The following OR4P4 variants were observed in gnomAD, a reference collection of about 807,000 sequenced individuals.
OR4P4 encodes the protein olfactory receptor family 4 subfamily P member 4.
OR4P4 carries 1 observed loss-of-function variant against 2.1 expected under a neutral mutation model. The ratio of observed to expected loss-of-function variants is 0.47; its 90% CI spans 0.17 to 2.21. The LOEUF is 2.21. OR4P4 is among the 30% of genes most tolerant of loss of function. The pLI is 0.27. For missense variants in OR4P4, 375 were observed against 376.5 expected, an observed-to-expected ratio of 1.00 and a Z score of 0.03; for synonymous variants, 129 against 133.2, an observed-to-expected ratio of 0.97 and a Z score of 0.22.
exon 2 of OR4P4, chr11:55,639,201 C>A: frequency 6.7e-7 from 1 of 1,487,934 alleles, no homozygotes; most frequent in Non-Finnish European, 9.1e-7. Flanking sequence ...CATGTTCAAC[C>A]CTCTCATATA....
exon 2 of OR4P4, chr11:55,638,797 G>A (rs113440596): frequency 4.7e-6 from 7 of 1,492,180 alleles, no homozygotes; most frequent in African/African-American, 4.1e-5. Flanking sequence ...ATAGTTTGTT[G>A]TACTGGGGGA....
At chr11:55,639,241 C>A in exon 2 of OR4P4, 1 of 1,485,902 alleles carries the variant, frequency 6.7e-7, no homozygotes, top group Non-Finnish European at 9.1e-7. Flanking sequence ...ATGAAGAACG[C>A]CATGAGGAAA....
exon 2 of OR4P4, chr11:55,638,431 G>A (rs773843462): frequency 2.0e-6 from 3 of 1,465,846 alleles, no homozygotes; most frequent in Non-Finnish European, 2.8e-6. Flanking sequence ...GAAGTCCTCT[G>A]CTTTGTATTA....
In OR4P4 at chr11:55,637,474, C is replaced by T. The variant is rs564517861; in HGVS notation, c.-30-854C>T. 7.3e-4 allele frequency among the ~76,000 whole-genome samples: 101 copies of T among 137,582 alleles called. 8 individuals carry two copies. The highest frequency in any genetic ancestry group is 2.4e-3 in the African/African-American group (96 of 39,916). The allele number at this position is 137,582 out of a possible 152,430, so 90.3% of individuals were successfully genotyped here. On this transcript the variant is annotated intron_variant, in intron 1 of 1. Coordinates refer to ENST00000641760, the Ensembl canonical transcript of OR4P4. ...CATAACCTTTTTCTCAAAAAAGTGC[C>T]TTTAATCTAATTCTAGTTCTTGAAA...
intron 1 of OR4P4, among the ~76,000 whole-genome samples, chr11:55,636,962 A>C (rs528591666): frequency 7.2e-6 from 1 of 137,948 alleles, no homozygotes; most frequent in South Asian, 2.4e-4. Context: ...CAAATTATAA[A>C]GCATGATTAG....
At position 55,638,862 on chromosome 11, in the gene OR4P4, C is replaced by T. The variant is rs762781321; in HGVS notation, c.505C>T (p.Pro169Ser). 1.3e-6 allele frequency: 2 copies of T among 1,493,172 alleles called. 1 individual carries two copies. Among genetic ancestry groups the T allele is most frequent in the Non-Finnish European group, 1.8e-6 (2 of 1,098,204 alleles). 92.5% of individuals were successfully genotyped at this position (1,493,172 alleles called of 1,614,324 possible). ...CACCATCTTTGTACCATTTTGTGGC[C>T]CAAATGAGATAGATCACTACTTCTG... The change falls in exon 2 of 2, where the codon CCA (proline) becomes TCA (serine). Residue 169 changes from proline (P) to serine (S), a missense_variant. Pro to Ser is a moderately conservative substitution (Grantham distance 74, BLOSUM62 -1). Transcript: ENST00000641760.
Position 55,638,538 on chromosome 11 carries a change from C to G in OR4P4, c.181C>G (p.Leu61Val). The stretch of plus-strand genomic sequence containing the variant: ...CATTCACCAACCCATGTATTTCTTC[C>G]TCAATTACCTCTCACTCTCCGACCT... The change falls in exon 2 of 2, where the codon CTC becomes GTC. Residue 61 changes from leucine to valine, a missense_variant. Physicochemically the swap from Leu to Val is conservative, Grantham distance 32. Coordinates refer to ENST00000641760, the Ensembl canonical transcript of OR4P4. 8 of 1,483,584 alleles carry G rather than the reference C, an allele frequency of 5.4e-6. 1 individual carries two copies. Among genetic ancestry groups the G allele is most frequent in the Non-Finnish European group, 7.3e-6 (8 of 1,091,052 alleles). The allele number at this position is 1,483,584 out of a possible 1,614,324, so 91.9% of individuals were successfully genotyped here. A position where few individuals can be genotyped will look rare whatever the true frequency, so the allele number is the denominator to read the frequency against.
rs748294621 is a variant in OR4P4 at position 55,638,937 on chromosome 11, G to A, written c.580G>A (p.Gly194Ser). ...GGCCTGTTCTAATATACACATGATA[G>A]GTCTCTTAGTCATTGCTAATTCAGG... Residue 194 changes from glycine to serine, a missense_variant, in exon 2 of 2, where the codon GGT becomes AGT. Physicochemically the swap from Gly to Ser is moderately conservative, Grantham distance 56. Transcript: ENST00000641760. 18 of 1,483,516 alleles carry A rather than the reference G, an allele frequency of 1.2e-5. 4 individuals are homozygous for A. Among genetic ancestry groups the A allele is most frequent in the East Asian group, 5.2e-5 (2 of 38,766 alleles). The allele number at this position is 1,483,516 out of a possible 1,614,324, so 91.9% of individuals were successfully genotyped here. A position where few individuals can be genotyped will look rare whatever the true frequency, so the allele number is the denominator to read the frequency against.
In OR4P4 at chr11:55,635,647, G is replaced by A. The variant is rs1384778444; in HGVS notation, c.-31+431G>A. ...GGAATGACTACTTTCAATGAAGAGAGGACAGAATCGACTATAAAGGAAAAA... is the reference window on the plus strand; with the variant it reads ...GGAATGACTACTTTCAATGAAGAGAAGACAGAATCGACTATAAAGGAAAAA... On this transcript the variant is annotated intron_variant, in intron 1 of 1. Coordinates refer to ENST00000641760, the Ensembl canonical transcript of OR4P4. 5.1e-5 allele frequency among the ~76,000 whole-genome samples: 7 copies of A among 137,352 alleles called. 1 individual carries two copies. In the East Asian group the frequency reaches 1.4e-3, roughly 28 times the overall value. The allele number at this position is 137,352 out of a possible 152,430, so 90.1% of individuals were successfully genotyped here. A position where few individuals can be genotyped will look rare whatever the true frequency, so the allele number is the denominator to read the frequency against.
Position 55,639,304 on chromosome 11 carries a change from C to G in OR4P4, c.*8C>G, listed in dbSNP as rs1459776907. ...AGAAATCAACTTTTCTGAATTGTTT[C>G]TGCTTTTCATGCCGTGGTTCCCTGA... On this transcript the variant is annotated 3_prime_UTR_variant, in exon 2 of 2. Coordinates refer to ENST00000641760, the Ensembl canonical transcript of OR4P4. 2.2e-6 allele frequency: 3 copies of G among 1,344,026 alleles called. 1 individual carries two copies. Among genetic ancestry groups the G allele is most frequent in the South Asian group, 2.7e-5 (2 of 73,986 alleles). The allele number at this position is 1,344,026 out of a possible 1,614,324, so 83.3% of individuals were successfully genotyped here.
exon 2 of OR4P4, chr11:55,638,463 A>G (rs2120182663): frequency 6.8e-7 from 1 of 1,469,616 alleles, no homozygotes; most frequent in Non-Finnish European, 9.3e-7. Context: ...CTACATTGCT[A>G]TTTGGATGGG....
At chr11:55,635,198 T>C (rs190230946) in exon 1 of OR4P4, 3 of 137,970 alleles carry the variant, frequency 2.2e-5, no homozygotes, top group Admixed American at 7.9e-5. Context: ...GTAACGTGGG[T>C]CTAAGAGGAT....
chr11:55,636,135 A>G (rs1449703029), intron 1 of OR4P4, among the ~76,000 whole-genome samples: 1 of 137,952 alleles, frequency 7.2e-6, no homozygotes, highest in Non-Finnish European at 1.6e-5. Context: ...CATATGCGCC[A>G]AGAATATAAG....
chr11:55,639,635 C>A (rs1215823865), exon 2 of OR4P4: 2 of 199,426 alleles, frequency 1.0e-5, no homozygotes, highest in Non-Finnish European at 2.0e-5. Flanking sequence ...TGAAATATTA[C>A]TCTCAGCTTT....
At position 55,638,696 on chromosome 11, in the gene OR4P4, C is replaced by A. The variant is rs200243699; in HGVS notation, c.339C>A (p.Leu113=). ...TTGGAGGCATAGAGATCTTCATTCT[C>A]ACAGGGATGGCCTATGACCGCTATG... The change falls in exon 2 of 2, where the codon CTC becomes CTA. Residue 113 remains leucine, a synonymous_variant. Transcript: ENST00000641760. 18 of 1,491,688 alleles carry A rather than the reference C, an allele frequency of 1.2e-5. No homozygotes were observed. The African/African-American group carries it at 2.5e-4, about 20-fold the overall frequency. The allele number at this position is 1,491,688 out of a possible 1,614,324, so 92.4% of individuals were successfully genotyped here.
At chr11:55,636,725 G>C (rs2120179670) in intron 1 of OR4P4, among the ~76,000 whole-genome samples, 1 of 137,614 alleles carries the variant, frequency 7.3e-6, no homozygotes, top group Non-Finnish European at 1.6e-5. Flanking sequence ...GTGATATATT[G>C]ATATTAGCAC....
Position 55,637,917 on chromosome 11 carries a change from T to A in OR4P4, c.-30-411T>A, listed in dbSNP as rs574137420. Among the ~76,000 whole-genome samples, 38 of 138,592 alleles carry A rather than the reference T, an allele frequency of 2.7e-4. 6 individuals carry two copies. Among genetic ancestry groups the A allele is most frequent in the Non-Finnish European group, 4.5e-4 (28 of 62,296 alleles). 90.9% of individuals were successfully genotyped at this position (138,592 alleles called of 152,430 possible). A position where few individuals can be genotyped will look rare whatever the true frequency, so the allele number is the denominator to read the frequency against. On this transcript the variant is annotated intron_variant, in intron 1 of 1. Coordinates refer to ENST00000641760, the Ensembl canonical transcript of OR4P4. Reference sequence around the variant, plus strand: ...TGGTTAATTCAATGAATTTTCTACATTATTTAAAAAATAATATTTGTATGA... The same window carrying A: ...TGGTTAATTCAATGAATTTTCTACAATATTTAAAAAATAATATTTGTATGA...
In OR4P4 at chr11:55,639,026, CAG is replaced by C. The variant is rs1385753367; in HGVS notation, c.672_673del (p.Arg224SerfsTer15). 1 of 1,492,222 alleles carries C rather than the reference CAG, an allele frequency of 6.7e-7. No homozygotes were observed. The highest frequency in any genetic ancestry group is 1.4e-5 in the African/African-American group (1 of 72,924). 92.4% of individuals were successfully genotyped at this position (1,492,222 alleles called of 1,614,324 possible). On this transcript the variant is annotated frameshift_variant, in exon 2 of 2. Transcript: ENST00000641760. LOFTEE classifies it low-confidence loss of function (END_TRUNC). The stretch of plus-strand genomic sequence containing the variant: ...CTTATGTTTTTATATTGTATACCAT[CAG>C]AGCATACTCTGCAGAGAGACGCAGC...
chr11:55,637,716 G>A (rs548442462), intron 1 of OR4P4, among the ~76,000 whole-genome samples: 1 of 137,774 alleles, frequency 7.3e-6, no homozygotes, highest in African/African-American at 2.5e-5. Flanking sequence ...AAAATATTTT[G>A]ATGTAATATT....
Sources: gnomAD v4.1 joint callset for allele counts (sites outside exome capture counted in the v4.1 genomes callset) on GRCh38, gnomAD v4.1.1 for gene constraint, MANE v1.5 for transcripts, NCBI Gene and HGNC (gene_info 2026-07-23, HGNC 2026-07-21) for gene names.